The following ATP1A2 variants were observed in gnomAD, a reference collection of about 807,000 sequenced individuals.
ATP1A2 encodes the protein ATPase Na+/K+ transporting subunit alpha 2, also known as sodium/potassium-transporting ATPase subunit alpha-2.
In ATP1A2, 56 loss-of-function variants were observed where a neutral mutation model predicts 113.1. That is an observed-to-expected ratio of 0.49 (90% CI 0.40 to 0.62). The LOEUF is 0.62. Among genes scored for constraint, ATP1A2 ranks in the 20% least tolerant of loss-of-function variants. The pLI is 0.00. For missense variants in ATP1A2, 712 were observed against 1,357.8 expected, an observed-to-expected ratio of 0.52 and a Z score of 7.47; for synonymous variants, 490 against 526.8, an observed-to-expected ratio of 0.93 and a Z score of 0.96.
intron 7 of ATP1A2, among the ~76,000 whole-genome samples, chr1:160,127,041 G>A (rs1651609585): frequency 1.3e-5 from 2 of 151,892 alleles, no homozygotes; most frequent in Admixed American, 1.3e-4. Flanking sequence ...TGGCTCCAAT[G>A]TGCATGCTTT....
chr1:160,120,107 C>T (rs575029610), intron 1 of ATP1A2, among the ~76,000 whole-genome samples: 2 of 152,206 alleles, frequency 1.3e-5, no homozygotes, highest in Non-Finnish European at 1.5e-5. Context: ...TTTAGATTTA[C>T]TCTCAGATAC....
intron 3 of ATP1A2, 150 bp from the exon 4 acceptor site, chr1:160,123,062 TG>T: frequency 2.4e-6 from 2 of 826,530 alleles, no homozygotes; most frequent in Non-Finnish European, 3.9e-6. Context: ...CTCCTCCATG[TG>T]GTCTCTCCTG....
chr1:160,123,658 C>T (rs1553244326), intron 4 of ATP1A2, among the ~76,000 whole-genome samples: 1 of 152,270 alleles, frequency 6.6e-6, no homozygotes, highest in Non-Finnish European at 1.5e-5. Context: ...TTCCTCCCCG[C>T]TTAAGTGAGC....
intron 4 of ATP1A2, 124 bp downstream of exon 4, chr1:160,123,540 C>T: frequency 5.5e-6 from 7 of 1,266,862 alleles, no homozygotes; most frequent in Non-Finnish European, 7.9e-6. Flanking sequence ...GCCCCTGCAT[C>T]TTAGGCTGGA....
chr1:160,137,542 A>G (rs1651994771), intron 20 of ATP1A2, among the ~76,000 whole-genome samples: 1 of 152,190 alleles, frequency 6.6e-6, no homozygotes, highest in South Asian at 2.1e-4. Context: ...TACTGTTTAC[A>G]TTTCATGGAT....
chr1:160,141,175 A>G lies in ATP1A2; in HGVS notation c.3035-119A>G, dbSNP rs114964592. 0.027 allele frequency: 33,426 copies of G among 1,217,910 alleles called. 577 individuals are homozygous for G. Among genetic ancestry groups the G allele is most frequent in the Middle Eastern group, 0.059 (264 of 4,450 alleles). The allele number at this position is 1,217,910 out of a possible 1,614,324, so 75.4% of individuals were successfully genotyped here. On this transcript the variant is annotated intron_variant, in intron 22 of 22. Transcript: ENST00000361216. ...TCCACCTTCCTAAGCCACTTCCCCC[A>G]GTGCCCTTCACCAGGCTTCTCCTTC...
At position 160,135,900 on chromosome 1, in the gene ATP1A2, C is replaced by G. The variant is rs754391034; in HGVS notation, c.2346C>G (p.Pro782=). ...SIAYTLTSNI[P]EITPFLLFII... ...CCTACACCCTGACCAGCAACATCCC[C>G]GAGATCACCCCCTTCCTGCTGTTCA... is the stretch of plus-strand genomic sequence containing the variant. Residue 782 remains proline (P), a synonymous_variant, in exon 17 of 23, where the codon CCC becomes CCG. Coordinates refer to ENST00000361216, the MANE Select transcript of ATP1A2 (RefSeq NM_000702.4). This position sits in a 1 kb window ranked among gnomAD's most constrained non-coding sequence, Gnocchi z 6.3. 1.2e-6 allele frequency: 2 copies of G among 1,614,052 alleles called. No homozygotes were observed. The highest frequency in any genetic ancestry group is 2.7e-5 in the African/African-American group (2 of 74,912).
chr1:160,127,520 G>A, intron 7 of ATP1A2, 32 bp from the exon 8 acceptor site: 2 of 1,613,760 alleles, frequency 1.2e-6, no homozygotes, highest in South Asian at 2.2e-5. Flanking sequence ...GGAGCCACAA[G>A]GCACCCAACC....
At chr1:160,121,289 C>A (rs766481497) in intron 3 of ATP1A2, 38 bp downstream of exon 3, 1 of 1,607,764 alleles carries the variant, frequency 6.2e-7, no homozygotes, top group Non-Finnish European at 8.5e-7. Context: ...ACAAAAGAGG[C>A]AAGAAAACCA....
rs935001631 is a variant in ATP1A2 at position 160,143,025 on chromosome 1, T to C, written c.*1703T>C. 2 of 152,198 alleles carry C rather than the reference T, an allele frequency of 1.3e-5. No homozygotes were observed. The highest frequency in any genetic ancestry group is 6.5e-5 in the Admixed American group (1 of 15,284). 9.4% of individuals were successfully genotyped at this position (152,198 alleles called of 1,614,324 possible). A position where few individuals can be genotyped will look rare whatever the true frequency, so the allele number is the denominator to read the frequency against. ...TCTCTAAGCCTGGCTTAGAAGGCAC[T>C]GGGAATGTCCTGTAGAGAGAGACCT... On this transcript the variant is annotated 3_prime_UTR_variant, in exon 23 of 23. Coordinates refer to ENST00000361216, the MANE Select transcript of ATP1A2 (RefSeq NM_000702.4).
chr1:160,129,819 A>T (rs991447369), intron 11 of ATP1A2, among the ~76,000 whole-genome samples: 17 of 152,246 alleles, frequency 1.1e-4, no homozygotes, highest in African/African-American at 3.6e-4. Context: ...GGTGGTGGGG[A>T]TGCTGAGGAG....
chr1:160,127,724 C>T lies in ATP1A2; in HGVS notation c.921C>T (p.Leu307=). 6.2e-7 allele frequency: 1 copy of T among 1,614,254 alleles called. No individual in the cohort carries two copies. The highest frequency in any genetic ancestry group is 1.1e-5 in the South Asian group (1 of 91,088). ...TCCTGGGGGTCTCCTTCTTCGTGCT[C>T]TCCCTCATCCTGGGCTACAGCTGGC... is the stretch of plus-strand genomic sequence containing the variant. The part of the protein sequence containing the change: ...AVFLGVSFFV[L]SLILGYSWLE... The change falls in exon 8 of 23, where the codon CTC becomes CTT. Residue 307 remains leucine, a synonymous_variant. Coordinates refer to ENST00000361216, the MANE Select transcript of ATP1A2 (RefSeq NM_000702.4).
chr1:160,141,526 G>A lies in ATP1A2; in HGVS notation c.*204G>A. On this transcript the variant is annotated 3_prime_UTR_variant, in exon 23 of 23. Coordinates refer to ENST00000361216, the MANE Select transcript of ATP1A2 (RefSeq NM_000702.4). ...GACCTAACTGTGAACAATCAGATTA[G>A]ACACTATGTGTTAGAGTCCCCCCGA... 1 of 662,696 alleles carries A rather than the reference G, an allele frequency of 1.5e-6. No homozygotes were observed. The highest frequency in any genetic ancestry group is 1.7e-5 in the South Asian group (1 of 58,454). 41.1% of individuals were successfully genotyped at this position (662,696 alleles called of 1,614,324 possible). A position where few individuals can be genotyped will look rare whatever the true frequency, so the allele number is the denominator to read the frequency against.
At chr1:160,132,874 G>A (rs1231425826) in intron 13 of ATP1A2, among the ~76,000 whole-genome samples, 1 of 152,080 alleles carries the variant, frequency 6.6e-6, no homozygotes, top group African/African-American at 2.4e-5. Flanking sequence ...GTCAAGTGAA[G>A]GGAGGAGAAT....
intron 20 of ATP1A2, among the ~76,000 whole-genome samples, chr1:160,138,863 C>T (rs1652040671): frequency 6.6e-6 from 1 of 151,900 alleles, no homozygotes; most frequent in African/African-American, 2.4e-5. Flanking sequence ...TGTGACTGAA[C>T]ATTTTCCAGG....
intron 20 of ATP1A2, 172 bp downstream of exon 20, chr1:160,137,203 G>A (rs1651980381): frequency 9.1e-7 from 1 of 1,098,606 alleles, no homozygotes; most frequent in Non-Finnish European, 1.3e-6. Context: ...GAGAAGCCAT[G>A]CTTCAGGCTC....
At chr1:160,127,960 T>C (rs1651634849) in intron 8 of ATP1A2, 140 bp downstream of exon 8, 1 of 1,218,374 alleles carries the variant, frequency 8.2e-7, no homozygotes, top group South Asian at 1.6e-5. Context: ...CAGAGATCAC[T>C]TAATACATGG....
At chr1:160,125,998 G>A (rs953300823) in intron 7 of ATP1A2, among the ~76,000 whole-genome samples, 1 of 152,170 alleles carries the variant, frequency 6.6e-6, no homozygotes, top group African/African-American at 2.4e-5. Context: ...TAGACCAGTG[G>A]CCTCTGAAAA....
In ATP1A2 at chr1:160,115,963, CG is replaced by C. The variant is rs1250097290; in HGVS notation, c.12+93del. ...AAGTGGGAATGGGATGTGGAAGGAG[CG>C]GGAGAGAGGAGCTGAGTGGGATACT... is the stretch of plus-strand genomic sequence containing the variant. On this transcript the variant is annotated intron_variant, in intron 1 of 22. Coordinates refer to ENST00000361216, the MANE Select transcript of ATP1A2 (RefSeq NM_000702.4). 1.5e-5 allele frequency: 23 copies of C among 1,538,538 alleles called. No individual in the cohort carries two copies. The Middle Eastern group carries it at 2.4e-3, about 159-fold the overall frequency.
Sources: allele counts gnomAD v4.1 joint callset (sites outside exome capture counted in the v4.1 genomes callset), GRCh38; gene constraint gnomAD v4.1.1; non-coding constraint Gnocchi (gnomAD v3.1); transcripts MANE v1.5; gene names NCBI Gene and HGNC (gene_info 2026-07-23, HGNC 2026-07-21).